NOP9: variants seen among roughly 807,000 people sequenced by gnomAD.
NOP9 encodes the protein nucleolar protein 9.
A neutral mutation model predicts 63.0 loss-of-function variants in NOP9; 50 were observed. That is an observed-to-expected ratio of 0.79 (90% confidence interval 0.63 to 1.00). The LOEUF (loss-of-function observed/expected upper bound fraction) is 1.00, where lower values mean the gene tolerates loss of function less well. NOP9 is among the 50% of genes least tolerant of loss of function. The pLI is 0.00. For missense variants in NOP9, 758 were observed against 803.0 expected, an observed-to-expected ratio of 0.94 and a Z score of 0.68; for synonymous variants, 343 against 332.8, an observed-to-expected ratio of 1.03 and a Z score of -0.33.
At chr14:24,281,282 G>A in the NOP9 span, among the ~76,000 whole-genome samples, 1 of 152,330 alleles carries the variant, frequency 6.6e-6, no homozygotes, top group South Asian at 2.1e-4. Flanking sequence ...AGTCCTTAGA[G>A]GGTCAGTCCT....
At chr14:24,301,938 C>T (rs200552248) in intron 3 of NOP9, 27 bp from the exon 4 acceptor site, 252 of 1,592,478 alleles carry the variant, frequency 1.6e-4, no homozygotes, top group Non-Finnish European at 1.9e-4. Context: ...TTGGGAAAGC[C>T]GCTTTATTTC....
At chr14:24,298,696 C>A (rs555705471), upstream of NOP9, 32 of 380,472 alleles carry the variant, frequency 8.4e-5, no homozygotes, top group Non-Finnish European at 1.5e-4. Context: ...CCTGCCTCAG[C>A]CTCCGGAGTA....
intron 6 of NOP9, 85 bp from the exon 7 acceptor site, chr14:24,303,643 CTTCT>C: frequency 2.8e-6 from 4 of 1,416,342 alleles, no homozygotes; most frequent in South Asian, 1.2e-5. Flanking sequence ...GGAGTTGGGC[CTTCT>C]TTCCTTTCCT....
At position 24,306,159 on chromosome 14, in the gene NOP9, G is replaced by A. The variant is rs375265713; in HGVS notation, c.*1064G>A. ...CACTCTGTAGGACACCCTTGTCAGT[G>A]CAGTAGATCCTCATACCAGACACCC... On this transcript the variant is annotated 3_prime_UTR_variant, in exon 10 of 10. Coordinates refer to ENST00000267425, the MANE Select transcript of NOP9 (RefSeq NM_174913.3). 12 of 1,606,930 alleles carry A rather than the reference G, an allele frequency of 7.5e-6. No individual in the cohort carries two copies. Among genetic ancestry groups the A allele is most frequent in the South Asian group, 6.6e-5 (6 of 90,532 alleles).
In NOP9 at chr14:24,306,728, T is replaced by C; in HGVS notation, c.*1633T>C. The C allele has an allele frequency of 1.7e-6, 1 of 604,234 alleles. No homozygotes were observed. The highest frequency in any genetic ancestry group is 2.9e-6 in the Non-Finnish European group (1 of 346,474). The allele number at this position is 604,234 out of a possible 1,614,324, so 37.4% of individuals were successfully genotyped here. A position where few individuals can be genotyped will look rare whatever the true frequency, so the allele number is the denominator to read the frequency against. ...GCTAGAGGCTGACCTTTTTCCTCTTTGCTCCTACCATGTCATTGGCATCTC... is the reference window on the plus strand; with the variant it reads ...GCTAGAGGCTGACCTTTTTCCTCTTCGCTCCTACCATGTCATTGGCATCTC... On this transcript the variant is annotated 3_prime_UTR_variant, in exon 10 of 10. Transcript: ENST00000267425.
chr14:24,282,549 G>T, the NOP9 span, among the ~76,000 whole-genome samples: 2 of 152,242 alleles, frequency 1.3e-5, no homozygotes, highest in African/African-American at 2.4e-5. Flanking sequence ...CTTGCTTGAG[G>T]CCCTCTAGGG....
the NOP9 span, among the ~76,000 whole-genome samples, chr14:24,274,533 C>T: frequency 6.6e-6 from 1 of 151,564 alleles, no homozygotes; most frequent in Non-Finnish European, 1.5e-5. Context: ...TGCTTGAAGG[C>T]AAAAGGAGTT....
chr14:24,277,020 A>G, the NOP9 span, among the ~76,000 whole-genome samples: 13 of 152,200 alleles, frequency 8.5e-5, no homozygotes, highest in Non-Finnish European at 1.6e-4. Context: ...CCTAGAATCC[A>G]CATGAATGTC....
At chr14:24,290,760 G>T in the NOP9 span, 14 of 1,486,176 alleles carry the variant, frequency 9.4e-6, no homozygotes, top group Non-Finnish European at 1.3e-5. Context: ...CATATCAAGG[G>T]TATGGGTAAA....
At position 24,307,801 on chromosome 14, in the gene NOP9, G is replaced by A. The variant is rs1021340822; in HGVS notation, c.*2706G>A. The A allele has an allele frequency of 1.6e-5, 25 of 1,589,010 alleles. No homozygotes were observed. Among genetic ancestry groups the A allele is most frequent in the African/African-American group, 5.4e-5 (4 of 74,578 alleles). On this transcript the variant is annotated 3_prime_UTR_variant, in exon 10 of 10. Transcript: ENST00000267425. ...ATCCCCTAAAGGTGGAGGGTAGAGC[G>A]GAGGGTTAGCAGTCACCTGAGTAAG...
chr14:24,306,562 C>G lies in NOP9; in HGVS notation c.*1467C>G. On this transcript the variant is annotated 3_prime_UTR_variant, in exon 10 of 10. Coordinates refer to ENST00000267425, the MANE Select transcript of NOP9 (RefSeq NM_174913.3). ...AGAAGCAAGAAGGGCAGGTCTTATC[C>G]CATGCCCCTTCCCTCTTTAGCTGCC... 5 of 1,613,140 alleles carry G rather than the reference C, an allele frequency of 3.1e-6. No homozygotes were observed. Among genetic ancestry groups the G allele is most frequent in the Middle Eastern group, 1.7e-4 (1 of 6,060 alleles).
At chr14:24,276,370 C>T in the NOP9 span, among the ~76,000 whole-genome samples, 2 of 122,584 alleles carry the variant, frequency 1.6e-5, no homozygotes, top group African/African-American at 6.6e-5. Context: ...GAGCAAGACT[C>T]GGTCTCAAAA....
At chr14:24,303,894 G>T in intron 7 of NOP9, 37 bp downstream of exon 7, 1 of 1,609,480 alleles carries the variant, frequency 6.2e-7, no homozygotes. Flanking sequence ...TGACTAATTG[G>T]GAGTCAGGCC....
chr14:24,301,952 C>G lies in NOP9; in HGVS notation c.809-13C>G, dbSNP rs777015010. On this transcript the variant is annotated splice_polypyrimidine_tract_variant and intron_variant, in intron 3 of 9. Coordinates refer to ENST00000267425, the MANE Select transcript of NOP9 (RefSeq NM_174913.3). Reference sequence around the variant, plus strand: ...TTTGGGAAAGCCGCTTTATTTCTGCCCTCTCTCCACAGTGTTTATCACTGA... The same window carrying G: ...TTTGGGAAAGCCGCTTTATTTCTGCGCTCTCTCCACAGTGTTTATCACTGA... 3.8e-6 allele frequency: 6 copies of G among 1,598,490 alleles called. No individual in the cohort carries two copies. The highest frequency in any genetic ancestry group is 5.1e-6 in the Non-Finnish European group (6 of 1,172,792).
chr14:24,301,774 CT>C, intron 3 of NOP9, 52 bp downstream of exon 3: 1 of 1,585,566 alleles, frequency 6.3e-7, no homozygotes, highest in South Asian at 1.1e-5. Flanking sequence ...TGGAGGTCAT[CT>C]TACCACCAAG....
chr14:24,275,471 G>T, the NOP9 span, among the ~76,000 whole-genome samples: 2 of 152,204 alleles, frequency 1.3e-5, no homozygotes, highest in Non-Finnish European at 2.9e-5. Flanking sequence ...AGTGACCATT[G>T]CCAGAGGCCT....
chr14:24,275,514 C>T, the NOP9 span, among the ~76,000 whole-genome samples: 17 of 152,330 alleles, frequency 1.1e-4, no homozygotes, highest in African/African-American at 4.1e-4. Flanking sequence ...GGAACCCTGG[C>T]GTCTTTCCAC....
chr14:24,305,551 T>G lies in NOP9; in HGVS notation c.*456T>G. ...GGTGGGTTATCTAGCCTGTACTGTC[T>G]GCAGGTCCTGAAATTTGATGCTGTC... On this transcript the variant is annotated 3_prime_UTR_variant, in exon 10 of 10. Transcript: ENST00000267425. The G allele has an allele frequency of 6.5e-7, 1 of 1,531,688 alleles. No homozygotes were observed. The highest frequency in any genetic ancestry group is 8.8e-7 in the Non-Finnish European group (1 of 1,134,806). 94.9% of individuals were successfully genotyped at this position (1,531,688 alleles called of 1,614,324 possible). A position where few individuals can be genotyped will look rare whatever the true frequency, so the allele number is the denominator to read the frequency against.
At chr14:24,292,086 C>T in the NOP9 span, 2 of 1,476,078 alleles carry the variant, frequency 1.4e-6, no homozygotes, top group Non-Finnish European at 9.4e-7. Context: ...GCACCTGCCA[C>T]AGTAAGCACC....
Sources: gnomAD v4.1 joint callset for allele counts (sites outside exome capture counted in the v4.1 genomes callset) on GRCh38, gnomAD v4.1.1 for gene constraint, MANE v1.5 for transcripts, NCBI Gene and HGNC (gene_info 2026-07-23, HGNC 2026-07-21) for gene names.